Variants in PCSK5 observed in about 807,000 individuals in gnomAD.
PCSK5 encodes the protein proprotein convertase subtilisin/kexin type 5, also known as prohormone convertase 5.
PCSK5 carries 129 observed loss-of-function variants against 233.2 expected under a neutral mutation model. That is an observed-to-expected ratio of 0.55 (90% CI 0.48 to 0.64). The LOEUF (loss-of-function observed/expected upper bound fraction) is 0.64. Ranked by LOEUF, PCSK5 falls within the 30% of genes least tolerant of loss-of-function variation. The pLI is 0.00. For missense variants in PCSK5, 2,076 were observed against 2,430.1 expected, an observed-to-expected ratio of 0.85 and a Z score of 3.06; for synonymous variants, 825 against 879.2, an observed-to-expected ratio of 0.94 and a Z score of 1.09.
intron 24 of PCSK5, among the ~76,000 whole-genome samples, chr9:76,259,450 C>G (rs1827093738): frequency 8.4e-6 from 1 of 119,730 alleles, no homozygotes. Context: ...CCCTCTCTGT[C>G]TACACTACAC....
At chr9:75,999,254 C>T (rs1439968839) in intron 3 of PCSK5, among the ~76,000 whole-genome samples, 2 of 152,048 alleles carry the variant, frequency 1.3e-5, no homozygotes, top group Non-Finnish European at 2.9e-5. Context: ...TGTTCCCCTC[C>T]CTGTGTCCAT....
intron 5 of PCSK5, among the ~76,000 whole-genome samples, chr9:76,048,804 T>G (rs1244143017): frequency 2.0e-5 from 3 of 152,230 alleles, no homozygotes; most frequent in African/African-American, 7.2e-5. Flanking sequence ...CAAATTATAT[T>G]AAGTATTCTT....
At chr9:76,311,413 T>G (rs796865872) in intron 30 of PCSK5, among the ~76,000 whole-genome samples, 13 of 152,310 alleles carry the variant, frequency 8.5e-5, no homozygotes, top group African/African-American at 3.1e-4. Context: ...TCATGTTTTT[T>G]TTCCTCCATT....
At chr9:76,310,571 C>G in intron 29 of PCSK5, 85 bp from the exon 30 acceptor site, 1 of 884,142 alleles carries the variant, frequency 1.1e-6, no homozygotes, top group South Asian at 2.9e-5. Flanking sequence ...ATACTTTGGT[C>G]TTTGGAAAGC....
chr9:76,117,015 G>C (rs1335086503), intron 9 of PCSK5, among the ~76,000 whole-genome samples: 3 of 151,918 alleles, frequency 2.0e-5, no homozygotes, highest in African/African-American at 7.2e-5. Context: ...TCTAAATCTT[G>C]ATTGATTCAT....
intron 31 of PCSK5, 26 bp downstream of exon 31, chr9:76,321,665 G>A (rs112038342): frequency 1.3e-5 from 19 of 1,508,338 alleles, no homozygotes; most frequent in African/African-American, 1.2e-4. Flanking sequence ...CCACAGGAGA[G>A]CAAGGCTCTG....
At chr9:75,926,592 C>T (rs1330398371) in intron 1 of PCSK5, among the ~76,000 whole-genome samples, 1 of 152,220 alleles carries the variant, frequency 6.6e-6, no homozygotes, top group Non-Finnish European at 1.5e-5. Context: ...AGGCATCTCC[C>T]AGCCTGTTCC....
chr9:76,004,550 G>A (rs1312179329), intron 3 of PCSK5, among the ~76,000 whole-genome samples: 1 of 152,104 alleles, frequency 6.6e-6, no homozygotes, highest in Non-Finnish European at 1.5e-5. Flanking sequence ...ATTTATTGAT[G>A]ACTTCTACCT....
In PCSK5 at chr9:76,211,089, T is replaced by C. The variant is rs139910015; in HGVS notation, c.2627-16414T>C. ...GGTGGAGAATCCAGTGGGCAATAGA[T>C]GCAGGATTATTGAACTCAGGAGAAA... On this transcript the variant is annotated intron_variant, in intron 20 of 37. Transcript: ENST00000674117. Among the ~76,000 whole-genome samples the C allele has an allele frequency of 5.9e-3, 891 of 152,302 alleles. 4 individuals are homozygous for C. Among genetic ancestry groups the C allele is most frequent in the Non-Finnish European group, 8.8e-3 (600 of 68,022 alleles).
intron 2 of PCSK5, among the ~76,000 whole-genome samples, chr9:75,934,456 A>G (rs796152894): frequency 1.6e-4 from 25 of 152,098 alleles, no homozygotes; most frequent in African/African-American, 6.0e-4. Flanking sequence ...GGATTTGGAG[A>G]CACATTGGTG....
intron 10 of PCSK5, among the ~76,000 whole-genome samples, chr9:76,152,655 A>G (rs1823720838): frequency 6.6e-6 from 1 of 152,140 alleles, no homozygotes; most frequent in Admixed American, 6.5e-5. Flanking sequence ...TGTAATTTTT[A>G]AAAAATGTTA....
rs190711382 is a variant in PCSK5, at chr9:76,356,588, A to C, written c.5255-1925A>C. Among the ~76,000 whole-genome samples, 10 of 152,306 alleles carry C rather than the reference A, an allele frequency of 6.6e-5. No homozygotes were observed. The East Asian group carries it at 1.9e-3, about 29-fold the overall frequency. On this transcript the variant is annotated intron_variant, in intron 37 of 37. Transcript: ENST00000674117. ...GCTTTAATGTTTTCTCCAGGGAAAA[A>C]TTCTATGCTGAACTTGCTAATGATT...
At chr9:76,178,426 A>G (rs1823711801) in intron 14 of PCSK5, among the ~76,000 whole-genome samples, 1 of 152,122 alleles carries the variant, frequency 6.6e-6, no homozygotes, top group African/African-American at 2.4e-5. Flanking sequence ...GCCTATGTTG[A>G]TCCCCTCTCC....
intron 24 of PCSK5, among the ~76,000 whole-genome samples, chr9:76,258,964 T>C (rs1827070966): frequency 6.6e-6 from 1 of 152,120 alleles, no homozygotes; most frequent in South Asian, 2.1e-4. Context: ...CAAATGTGCA[T>C]TAGTGGGATG....
At chr9:76,270,376 C>G (rs1179357372) in intron 24 of PCSK5, among the ~76,000 whole-genome samples, 2 of 152,268 alleles carry the variant, frequency 1.3e-5, no homozygotes, top group Non-Finnish European at 2.9e-5. Context: ...CTTCCCTTAT[C>G]TGTCTGAATG....
intron 2 of PCSK5, among the ~76,000 whole-genome samples, chr9:75,941,574 C>T (rs1228628513): frequency 6.6e-6 from 1 of 152,154 alleles, no homozygotes; most frequent in East Asian, 1.9e-4. Flanking sequence ...TCGTTTCTGG[C>T]TACCTTTTTT....
intron 21 of PCSK5, among the ~76,000 whole-genome samples, chr9:76,227,867 A>C (rs1825946759): frequency 1.3e-5 from 2 of 152,056 alleles, no homozygotes; most frequent in Admixed American, 6.6e-5. Flanking sequence ...GGTGCCTTTG[A>C]TGCCTGAAAT....
chr9:76,324,075 G>T (rs1564180778), intron 32 of PCSK5, among the ~76,000 whole-genome samples: 1 of 151,902 alleles, frequency 6.6e-6, no homozygotes, highest in Non-Finnish European at 1.5e-5. Context: ...ACAGGCGTGT[G>T]CCACCACGCC....
intron 35 of PCSK5, among the ~76,000 whole-genome samples, chr9:76,350,111 G>GAA (rs33916148): frequency 6.9e-6 from 1 of 144,638 alleles, no homozygotes; most frequent in African/African-American, 2.6e-5. Context: ...GACCCCATCT[G>GAA]AAAAAAAAAA....
Sources: allele counts gnomAD v4.1 joint callset (sites outside exome capture counted in the v4.1 genomes callset), GRCh38; gene constraint gnomAD v4.1.1; transcripts MANE v1.5; gene names NCBI Gene and HGNC (gene_info 2026-07-23, HGNC 2026-07-21).